The following PCSK5 variants were observed in gnomAD, a reference collection of about 807,000 sequenced individuals.
PCSK5 encodes the protein proprotein convertase subtilisin/kexin type 5.
PCSK5 carries 129 observed loss-of-function variants against 233.2 expected under a neutral mutation model. The observed-to-expected ratio is 0.55, with a 90% CI of 0.48 to 0.64. The LOEUF (loss-of-function observed/expected upper bound fraction) is 0.64, where lower values mean the gene tolerates loss of function less well. Ranked by LOEUF, PCSK5 falls within the 30% of genes least tolerant of loss-of-function variation. PCSK5 has a pLI of 0.00. For synonymous variants in PCSK5, 825 were observed against 879.2 expected (o/e 0.94, Z 1.09); for missense variants, 2,076 against 2,430.1 (o/e 0.85, Z 3.06).
intron 20 of PCSK5, among the ~76,000 whole-genome samples, chr9:76,202,046 A>AAT (rs1824934933): frequency 1.3e-5 from 2 of 152,202 alleles, no homozygotes; most frequent in Non-Finnish European, 2.9e-5. Context: ...ATAAAAGCTA[A>AAT]ACTATGAAAA....
At chr9:76,090,542 T>G (rs1177072200) in intron 7 of PCSK5, among the ~76,000 whole-genome samples, 1 of 152,190 alleles carries the variant, frequency 6.6e-6, no homozygotes, top group Non-Finnish European at 1.5e-5. Flanking sequence ...GATGGCAGTC[T>G]CTATGCATTC....
At chr9:75,961,495 G>C (rs883649) in intron 2 of PCSK5, among the ~76,000 whole-genome samples, 4,356 of 152,248 alleles carry the variant, frequency 0.029, 96 homozygotes, top group Middle Eastern at 0.085. Flanking sequence ...GTACGTCTGA[G>C]GAACTGGATT....
At chr9:76,198,207 C>G (rs1165755697) in intron 20 of PCSK5, among the ~76,000 whole-genome samples, 4 of 152,194 alleles carry the variant, frequency 2.6e-5, no homozygotes, top group Non-Finnish European at 5.9e-5. Context: ...GACTTTCTTA[C>G]AAGGTCTCTT....
At chr9:75,963,439 G>A (rs1175829100) in intron 2 of PCSK5, among the ~76,000 whole-genome samples, 1 of 152,212 alleles carries the variant, frequency 6.6e-6, no homozygotes, top group Non-Finnish European at 1.5e-5. Flanking sequence ...GAATCATTTT[G>A]TTGACAGTGT....
intron 8 of PCSK5, among the ~76,000 whole-genome samples, chr9:76,103,467 A>T (rs570772204): frequency 6.6e-6 from 1 of 152,180 alleles, no homozygotes; most frequent in Non-Finnish European, 1.5e-5. Context: ...GCCAAAGTCA[A>T]TCTGAACTGA....
At chr9:76,049,542 T>G (rs1015138333) in intron 5 of PCSK5, among the ~76,000 whole-genome samples, 1 of 152,212 alleles carries the variant, frequency 6.6e-6, no homozygotes, top group East Asian at 1.9e-4. Flanking sequence ...TAGCACTGCT[T>G]ATCTCTACTT....
At chr9:76,071,482 G>A (rs1176718487) in intron 6 of PCSK5, among the ~76,000 whole-genome samples, 1 of 152,098 alleles carries the variant, frequency 6.6e-6, no homozygotes, top group Non-Finnish European at 1.5e-5. Flanking sequence ...TATAAGGAAA[G>A]GAACCTTAGA....
intron 2 of PCSK5, among the ~76,000 whole-genome samples, chr9:75,963,831 A>G (rs1479918302): frequency 6.6e-6 from 1 of 152,218 alleles, no homozygotes; most frequent in Non-Finnish European, 1.5e-5. Context: ...GTGAGCCGAA[A>G]TCGTGCCATT....
intron 9 of PCSK5, among the ~76,000 whole-genome samples, chr9:76,113,772 T>G (rs1339339184): frequency 4.6e-5 from 7 of 152,102 alleles, no homozygotes. Context: ...CATCTGTGTA[T>G]TTTTTTAAAT....
chr9:75,954,673 C>A (rs1825014336), intron 2 of PCSK5, among the ~76,000 whole-genome samples: 1 of 152,128 alleles, frequency 6.6e-6, no homozygotes, highest in African/African-American at 2.4e-5. Flanking sequence ...TGGATTGAGA[C>A]ATCAGGAAAA....
intron 28 of PCSK5, among the ~76,000 whole-genome samples, chr9:76,302,920 C>A (rs1828657413): frequency 2.1e-5 from 3 of 140,832 alleles, no homozygotes; most frequent in South Asian, 4.5e-4. Context: ...ACAGTCATTT[C>A]TGAAGAATGG....
At chr9:76,351,479 A>G (rs899691869) in intron 36 of PCSK5, among the ~76,000 whole-genome samples, 3 of 74,722 alleles carry the variant, frequency 4.0e-5, no homozygotes, top group African/African-American at 1.2e-4. Flanking sequence ...AAAGAAAGAA[A>G]GAAAGAAAGA....
intron 1 of PCSK5, among the ~76,000 whole-genome samples, chr9:75,930,848 C>T (rs111887597): frequency 1.3e-5 from 2 of 152,072 alleles, no homozygotes; most frequent in South Asian, 2.1e-4. Context: ...TGAATTCTAC[C>T]CTTAGTCCTC....
chr9:76,187,068 CT>C (rs1474088052), intron 17 of PCSK5, among the ~76,000 whole-genome samples: 2 of 152,094 alleles, frequency 1.3e-5, no homozygotes, highest in African/African-American at 4.8e-5. Flanking sequence ...AAATTAAATG[CT>C]AATGGGGACT....
chr9:76,097,167 AAGTGATCTGCCTGCCTCG>A (rs941917645), intron 8 of PCSK5, among the ~76,000 whole-genome samples: 1 of 150,464 alleles, frequency 6.6e-6, no homozygotes, highest in Non-Finnish European at 1.5e-5. Flanking sequence ...TCCTGAACTC[AAGTGATCTGCCTGCCTCG>A]GCCTCCCAAA....
chr9:75,962,588 C>A (rs1825402400), intron 2 of PCSK5, among the ~76,000 whole-genome samples: 1 of 152,190 alleles, frequency 6.6e-6, no homozygotes, highest in Admixed American at 6.5e-5. Flanking sequence ...TGCCTGGCTC[C>A]ACTGTGCAGC....
intron 1 of PCSK5, among the ~76,000 whole-genome samples, chr9:75,910,287 T>A (rs1188480100): frequency 6.6e-6 from 1 of 152,214 alleles, no homozygotes; most frequent in Non-Finnish European, 1.5e-5. Flanking sequence ...AGGAAGACCC[T>A]AGTGAACTCC....
chr9:75,965,259 ATATG>A (rs1825525731), intron 2 of PCSK5, among the ~76,000 whole-genome samples: 1 of 79,772 alleles, frequency 1.3e-5, no homozygotes, highest in Non-Finnish European at 2.7e-5. Context: ...GTATGTGTGT[ATATG>A]TGTGTGTGTG....
At chr9:76,232,383 G>A (rs1483267726) in intron 21 of PCSK5, among the ~76,000 whole-genome samples, 1 of 152,158 alleles carries the variant, frequency 6.6e-6, no homozygotes, top group Non-Finnish European at 1.5e-5. Context: ...CTTATTCTAA[G>A]GGAGCTGTAA....
Sources: allele counts gnomAD v4.1 joint callset (sites outside exome capture counted in the v4.1 genomes callset), GRCh38; gene constraint gnomAD v4.1.1; transcripts MANE v1.5; gene names NCBI Gene and HGNC (gene_info 2026-07-23, HGNC 2026-07-21).